The following EVC2 variants were observed in gnomAD, a reference collection of about 807,000 sequenced individuals.
The protein encoded by EVC2 is limbin.
EVC2 carries 148 observed loss-of-function variants against 149.3 expected under a neutral mutation model. The ratio of observed to expected loss-of-function variants is 0.99; its 90% CI spans 0.87 to 1.14. The LOEUF is 1.14. Ranked by LOEUF, EVC2 falls within the 50% of genes most tolerant of loss-of-function variation. The pLI is 0.00. For missense variants in EVC2, 1,854 were observed against 1,627.3 expected (o/e 1.14, Z -2.40); for synonymous variants, 776 against 649.9 (o/e 1.19, Z -2.95).
At chr4:5,536,506 T>C in the EVC2 span, among the ~76,000 whole-genome samples, 151,499 of 152,270 alleles carry the variant, frequency 0.99, 75,370 homozygotes, top group East Asian at 1. Flanking sequence ...GAGTTATGGC[T>C]GGGCGCGGTG....
At chr4:5,672,490 T>A (rs1482268750) in intron 7 of EVC2, among the ~76,000 whole-genome samples, 1 of 151,942 alleles carries the variant, frequency 6.6e-6, no homozygotes, top group African/African-American at 2.4e-5. Flanking sequence ...ATAGGGGGCA[T>A]GAAAAGAGGC....
At chr4:5,585,666 CA>C (rs1712217646) in intron 16 of EVC2, among the ~76,000 whole-genome samples, 1 of 152,102 alleles carries the variant, frequency 6.6e-6, no homozygotes, top group South Asian at 2.1e-4. Flanking sequence ...TAAACTTTGA[CA>C]TGTTTCTACC....
chr4:5,638,818 C>T (rs144439343), intron 10 of EVC2, among the ~76,000 whole-genome samples: 36 of 152,212 alleles, frequency 2.4e-4, no homozygotes, highest in African/African-American at 6.3e-4. Flanking sequence ...ATTTAAGTGA[C>T]GCAGTTACAA....
chr4:5,608,899 C>A (rs977868213), intron 16 of EVC2, among the ~76,000 whole-genome samples: 7 of 152,114 alleles, frequency 4.6e-5, no homozygotes, highest in African/African-American at 1.2e-4. Flanking sequence ...TGGCTGTCAT[C>A]GAATCCCCAG....
rs771804036 is a variant in EVC2 at position 5,622,957 on chromosome 4, C to T, written c.2081G>A (p.Gly694Asp). ...REQRREQASV[G>D]EAFRTVEDAG... ...ATCCTCAACCGTTCGGAAGGCCTCG[C>T]CGACGGACGCCTGCTCCCTACGCTG... is the stretch of plus-strand genomic sequence containing the variant. Residue 694 changes from glycine to aspartate, a missense_variant, in exon 14 of 22, where the codon GGC (glycine) becomes GAC (aspartate). Transcript: ENST00000344408. This position sits in a 1 kb window ranked among gnomAD's most constrained non-coding sequence, Gnocchi z 5.8. 1.2e-6 allele frequency: 2 copies of T among 1,614,064 alleles called. No homozygotes were observed. The highest frequency in any genetic ancestry group is 1.1e-5 in the South Asian group (1 of 91,068).
rs1715114810 is a variant in EVC2 at position 5,614,831 on chromosome 4, AGC to A, written c.2829+589_2829+590del. On this transcript the variant is annotated intron_variant, in intron 16 of 21. Transcript: ENST00000344408. The surrounding 1 kb of genome is among the most constrained non-coding windows in gnomAD (Gnocchi z 4.7). ...CATGTCTACTAAAAATACAAAAATT[AGC>A]AGGTGTGATGGTGGGTGCCTGTAAT... 1.6e-5 allele frequency among the ~76,000 whole-genome samples: 2 copies of A among 121,916 alleles called. No individual in the cohort carries two copies. Among genetic ancestry groups the A allele is most frequent in the African/African-American group, 7.4e-5 (2 of 27,024 alleles). 80.0% of individuals were successfully genotyped at this position (121,916 alleles called of 152,430 possible).
intron 16 of EVC2, among the ~76,000 whole-genome samples, chr4:5,595,076 C>T (rs1713251592): frequency 6.6e-6 from 1 of 152,076 alleles, no homozygotes; most frequent in African/African-American, 2.4e-5. Context: ...TGTGAAAAGA[C>T]CAAATGTACG....
chr4:5,598,292 G>A (rs1325268121), intron 16 of EVC2, among the ~76,000 whole-genome samples: 1 of 151,842 alleles, frequency 6.6e-6, no homozygotes, highest in African/African-American at 2.4e-5. Flanking sequence ...CAAAGCTGGA[G>A]GCATCATGCT....
At chr4:5,592,013 C>G (rs866417951) in intron 16 of EVC2, among the ~76,000 whole-genome samples, 1 of 152,188 alleles carries the variant, frequency 6.6e-6, no homozygotes, top group Non-Finnish European at 1.5e-5. Flanking sequence ...CCTGTGTCAA[C>G]CAGCAGAGAG....
intron 2 of EVC2, 50 bp downstream of exon 2, chr4:5,697,536 AGGCTTCT>A: frequency 6.4e-7 from 1 of 1,565,374 alleles, no homozygotes; most frequent in Non-Finnish European, 8.8e-7. Flanking sequence ...GGAGGGCTTC[AGGCTTCT>A]GGTTTTTCAT....
chr4:5,552,881 A>T (rs1023297689), intron 21 of EVC2, among the ~76,000 whole-genome samples: 2 of 152,236 alleles, frequency 1.3e-5, no homozygotes, highest in South Asian at 4.1e-4. Flanking sequence ...TGATCTGTGC[A>T]TACAGAGAGG....
chr4:5,567,717 A>T lies in EVC2; in HGVS notation c.3557+727T>A, dbSNP rs900843417. Among the ~76,000 whole-genome samples, 1 of 151,588 alleles carries T rather than the reference A, an allele frequency of 6.6e-6. No homozygotes were observed. The highest frequency in any genetic ancestry group is 6.6e-5 in the Admixed American group (1 of 15,206). On this transcript the variant is annotated intron_variant, in intron 20 of 21. Transcript: ENST00000344408. The surrounding 1 kb of genome is among the most constrained non-coding windows in gnomAD (Gnocchi z 4.4). ...GTCTATGCAGAGTTACCCATAATTT[A>T]AAAAAAAATGGGCCCAAACTGAATG...
chr4:5,578,788 T>C (rs946835272), intron 17 of EVC2, among the ~76,000 whole-genome samples: 9 of 152,046 alleles, frequency 5.9e-5, no homozygotes, highest in African/African-American at 2.2e-4. Flanking sequence ...GAGAGACTCA[T>C]GTCAACAGTT....
chr4:5,535,601 A>AAGAGAGAGAGCGAGAG, the EVC2 span, among the ~76,000 whole-genome samples: 1 of 118,210 alleles, frequency 8.5e-6, no homozygotes, highest in Non-Finnish European at 1.7e-5. The surrounding 1 kb of genome is among the most constrained non-coding windows in gnomAD (Gnocchi z 4.7). Flanking sequence ...CATGCTTAGA[A>AAGAGAGAGAGCGAGAG]AGAGAGAGAG....
At chr4:5,550,458 C>T (rs1423464745) in intron 21 of EVC2, among the ~76,000 whole-genome samples, 2 of 152,124 alleles carry the variant, frequency 1.3e-5, no homozygotes, top group African/African-American at 4.8e-5. Context: ...GAACTCTGAA[C>T]TTAAAGAGAT....
intron 7 of EVC2, among the ~76,000 whole-genome samples, chr4:5,669,733 A>G (rs1264738944): frequency 6.6e-6 from 1 of 152,192 alleles, no homozygotes; most frequent in Non-Finnish European, 1.5e-5. Context: ...CCACATCTTG[A>G]GATCTTACTT....
chr4:5,663,449 C>T (rs1010883918), intron 8 of EVC2, among the ~76,000 whole-genome samples: 7 of 152,228 alleles, frequency 4.6e-5, no homozygotes, highest in Non-Finnish European at 8.8e-5. Flanking sequence ...CATAATTCTA[C>T]TAGCCCTGCA....
chr4:5,682,816 G>A (rs1720442480), intron 6 of EVC2, among the ~76,000 whole-genome samples: 1 of 149,658 alleles, frequency 6.7e-6, no homozygotes, highest in African/African-American at 2.5e-5. Flanking sequence ...CCCAGACTGC[G>A]CCATTACACT....
intron 21 of EVC2, among the ~76,000 whole-genome samples, chr4:5,554,625 A>G (rs183065447): frequency 3.9e-5 from 6 of 152,340 alleles, no homozygotes; most frequent in African/African-American, 1.4e-4. Flanking sequence ...TCCTGGCTCC[A>G]GCCCCCTCAG....
Sources: allele counts gnomAD v4.1 joint callset (sites outside exome capture counted in the v4.1 genomes callset), GRCh38; gene constraint gnomAD v4.1.1; non-coding constraint Gnocchi (gnomAD v3.1); transcripts MANE v1.5; gene names NCBI Gene and HGNC (gene_info 2026-07-23, HGNC 2026-07-21).